The following DICER1 variants were observed in gnomAD, a reference collection of about 807,000 sequenced individuals.
DICER1 encodes endoribonuclease Dicer.
A neutral mutation model predicts 194.1 loss-of-function variants in DICER1; 43 were observed. The ratio of observed to expected loss-of-function variants is 0.22; its 90% CI spans 0.17 to 0.29. The LOEUF is 0.29. DICER1 is among the 10% of genes least tolerant of loss of function. DICER1 has a pLI of 1.00. For synonymous variants in DICER1, 832 were observed against 820.5 expected (o/e 1.01, Z -0.24); for missense variants, 1,608 against 2,317.0 (o/e 0.69, Z 6.28).
rs769329149 is a variant in DICER1, at chr14:95,103,878, G to A, written c.3518C>T (p.Thr1173Ile). ...KLHVEVSADL[T>I]AINGLSYNQN... is the part of the protein sequence containing the mutation. ...ATTGTAAGAAAGACCATTAATTGCT[G>A]TAAGATCTGCTGAAACTTCAACGTG... is the stretch of plus-strand genomic sequence containing the variant. Residue 1173 changes from threonine to isoleucine, a missense_variant, in exon 21 of 27, where the codon ACA becomes ATA. Physicochemically the swap from Thr to Ile is moderately conservative, Grantham distance 89. Around this residue, in one of 10 missense-constraint regions of DICER1, gnomAD observed 222 missense variants for 215.5 expected, o/e 1.03. Transcript: ENST00000343455. The A allele has an allele frequency of 4.3e-6, 7 of 1,614,034 alleles. No individual in the cohort carries two copies. The highest frequency in any genetic ancestry group is 1.3e-5 in the African/African-American group (1 of 74,908).
intron 23 of DICER1, 21 bp from the exon 24 acceptor site, chr14:95,094,177 A>T: frequency 6.2e-7 from 1 of 1,613,874 alleles, no homozygotes; most frequent in Non-Finnish European, 8.5e-7. Flanking sequence ...CCGAAGTGGA[A>T]CCGTAAGCTT....
Position 95,086,366 on chromosome 14 carries a change from T to C in DICER1, c.*4132A>G. On this transcript the variant is annotated 3_prime_UTR_variant, in exon 27 of 27. Coordinates refer to ENST00000343455, the MANE Select transcript of DICER1 (RefSeq NM_177438.3). ...ACTGTATGAATGAATGACATCATGT[T>C]CCTTAAAAAACAGCTGCAGCATGTG... 4.3e-6 allele frequency: 1 copy of C among 233,102 alleles called. No individual in the cohort carries two copies. The highest frequency in any genetic ancestry group is 8.5e-6 in the Non-Finnish European group (1 of 117,864). The allele number at this position is 233,102 out of a possible 1,614,324, so 14.4% of individuals were successfully genotyped here. A position where few individuals can be genotyped will look rare whatever the true frequency, so the allele number is the denominator to read the frequency against.
At chr14:95,099,959 C>T (rs901502506) in intron 21 of DICER1, 24 bp from the exon 22 acceptor site, 1 of 1,613,232 alleles carries the variant, frequency 6.2e-7, no homozygotes. Flanking sequence ...TATTAGGATA[C>T]TTATCCATAA....
At chr14:95,133,093 G>A (rs1162095222) in intron 2 of DICER1, among the ~76,000 whole-genome samples, 1 of 151,976 alleles carries the variant, frequency 6.6e-6, no homozygotes, top group Non-Finnish European at 1.5e-5. Context: ...GTTTTCAGAG[G>A]GGGAAAAAAG....
chr14:95,096,528 T>C lies in DICER1; in HGVS notation c.4392A>G (p.Val1464=). The C allele has an allele frequency of 1.2e-6, 2 of 1,614,086 alleles. No homozygotes were observed. The highest frequency in any genetic ancestry group is 1.7e-6 in the Non-Finnish European group (2 of 1,179,934). ...DNMLMGSGAF[V]KKISLSPFST... ...AAAAAGGAGAAAGAGAGATTTTCTTTACAAAAGCTCCTGACCCCATTAACA... is the reference window on the plus strand; with the variant it reads ...AAAAAGGAGAAAGAGAGATTTTCTTCACAAAAGCTCCTGACCCCATTAACA... The change falls in exon 23 of 27, where the codon GTA becomes GTG. Residue 1464 remains valine (V), a synonymous_variant. Coordinates refer to ENST00000343455, the MANE Select transcript of DICER1 (RefSeq NM_177438.3).
chr14:95,106,279 C>G, intron 17 of DICER1, 56 bp from the exon 18 acceptor site: 1 of 1,314,284 alleles, frequency 7.6e-7, no homozygotes, highest in Non-Finnish European at 1.1e-6. Context: ...ATCAACTATT[C>G]TCAAAATACA....
intron 1 of DICER1, among the ~76,000 whole-genome samples, chr14:95,142,178 G>A (rs949494023): frequency 6.6e-6 from 1 of 150,978 alleles, no homozygotes; most frequent in Admixed American, 6.6e-5. Flanking sequence ...GGCTGGTCTC[G>A]AACTCCTGGG....
At chr14:95,099,281 A>G (rs965631367) in intron 22 of DICER1, among the ~76,000 whole-genome samples, 1 of 152,098 alleles carries the variant, frequency 6.6e-6, no homozygotes, top group Non-Finnish European at 1.5e-5. Flanking sequence ...ATTTCCAGAA[A>G]ATAACAATCT....
intron 1 of DICER1, among the ~76,000 whole-genome samples, chr14:95,155,193 T>C (rs983867978): frequency 6.6e-6 from 1 of 152,184 alleles, no homozygotes; most frequent in African/African-American, 2.4e-5. Context: ...TAGAAGAGAA[T>C]GTACGTAGAA....
intron 1 of DICER1, among the ~76,000 whole-genome samples, chr14:95,144,629 A>G (rs1195800966): frequency 6.6e-6 from 1 of 152,192 alleles, no homozygotes; most frequent in East Asian, 1.9e-4. Context: ...TGTTTCATTA[A>G]CCGTAAGATT....
intron 1 of DICER1, among the ~76,000 whole-genome samples, chr14:95,155,216 T>C (rs780771159): frequency 6.6e-6 from 1 of 152,184 alleles, no homozygotes; most frequent in Non-Finnish European, 1.5e-5. Flanking sequence ...TGAAACATCT[T>C]GGCGCATAAC....
chr14:95,134,759 C>T (rs913030313), intron 1 of DICER1, among the ~76,000 whole-genome samples: 4 of 152,192 alleles, frequency 2.6e-5, no homozygotes, highest in East Asian at 1.9e-4. Context: ...GCTGAGAGCC[C>T]GGTAAGACAG....
rs560306252 is a variant in DICER1, at chr14:95,156,634, C to A, written c.-46+596G>T. 3.3e-5 allele frequency among the ~76,000 whole-genome samples: 5 copies of A among 152,376 alleles called. No individual in the cohort carries two copies. In the East Asian group the frequency reaches 9.6e-4, roughly 29 times the overall value. On this transcript the variant is annotated intron_variant, in intron 1 of 26. Transcript: ENST00000343455. ...GAAAGGGTCCTCCGCAGGGTCTAGG[C>A]ATTTTGGCACAAAAACATCTGAGGG...
chr14:95,109,976 G>A (rs551984794), intron 14 of DICER1, among the ~76,000 whole-genome samples: 49 of 152,186 alleles, frequency 3.2e-4, no homozygotes, highest in Middle Eastern at 3.4e-3. Flanking sequence ...ATGTACAAAC[G>A]TATTTTAAAA....
At chr14:95,152,450 C>T (rs913839622) in intron 1 of DICER1, among the ~76,000 whole-genome samples, 45 of 152,242 alleles carry the variant, frequency 3.0e-4, no homozygotes, top group African/African-American at 1.0e-3. Flanking sequence ...CTCAACAAAT[C>T]GGAGTGTCTC....
At chr14:95,129,396 G>T in intron 6 of DICER1, 76 bp downstream of exon 6, 1 of 1,390,760 alleles carries the variant, frequency 7.2e-7, no homozygotes, top group Non-Finnish European at 1.0e-6. Flanking sequence ...TCTCTGCAAG[G>T]TACTACAAAA....
intron 24 of DICER1, among the ~76,000 whole-genome samples, chr14:95,092,591 C>G (rs1342528870): frequency 6.6e-6 from 1 of 152,140 alleles, no homozygotes; most frequent in Non-Finnish European, 1.5e-5. Flanking sequence ...TCTCTTTTTA[C>G]AGCTGAGGAA....
intron 8 of DICER1, among the ~76,000 whole-genome samples, chr14:95,118,017 T>C (rs542797057): frequency 3.9e-5 from 6 of 152,306 alleles, no homozygotes; most frequent in Non-Finnish European, 8.8e-5. Context: ...CTCCAACAGC[T>C]GATTTGGCGA....
chr14:95,150,699 T>C (rs1445429484), intron 1 of DICER1, among the ~76,000 whole-genome samples: 3 of 152,202 alleles, frequency 2.0e-5, no homozygotes, highest in Non-Finnish European at 1.5e-5. Flanking sequence ...TTTCTGCAGA[T>C]TACCTACTAA....
Sources: gnomAD v4.1 joint callset for allele counts (sites outside exome capture counted in the v4.1 genomes callset) on GRCh38, gnomAD v4.1.1 for gene constraint, gnomAD v4.1.1 regional missense constraint, MANE v1.5 for transcripts, NCBI Gene and HGNC (gene_info 2026-07-23, HGNC 2026-07-21) for gene names.